The following CDIP1 variants were observed in gnomAD, a reference collection of about 807,000 sequenced individuals.
CDIP1 encodes cell death inducing p53 target 1.
A neutral mutation model predicts 17.7 loss-of-function variants in CDIP1; 9 were observed. That is an observed-to-expected ratio of 0.51 (90% confidence interval 0.31 to 0.89). The LOEUF (loss-of-function observed/expected upper bound fraction) is 0.89. Ranked by LOEUF, CDIP1 falls within the 40% of genes least tolerant of loss-of-function variation. The pLI is 0.05. For missense variants in CDIP1, 263 were observed against 277.9 expected (o/e 0.95, Z 0.38); for synonymous variants, 117 against 109.5 (o/e 1.07, Z -0.43).
Position 4,514,671 on chromosome 16 carries a change from C to T in CDIP1, c.-104-7G>A, listed in dbSNP as rs1319486959. The T allele has an allele frequency of 6.5e-6, 1 of 153,706 alleles. No individual in the cohort carries two copies. The highest frequency in any genetic ancestry group is 2.4e-5 in the African/African-American group (1 of 41,492). 9.5% of individuals were successfully genotyped at this position (153,706 alleles called of 1,614,324 possible). On this transcript the variant is annotated splice_region_variant and splice_polypyrimidine_tract_variant and intron_variant, in intron 1 of 5. Transcript: ENST00000567695. This position sits in a 1 kb window ranked among gnomAD's most constrained non-coding sequence, Gnocchi z 5.2. The stretch of plus-strand genomic sequence containing the variant: ...ACAGGCAGGGCTCCGGGAGCTGTTT[C>T]AGGGGAAGGAAAGGCAGGGCCCTCA...
intron 1 of CDIP1, among the ~76,000 whole-genome samples, chr16:4,520,825 AGT>A (rs1477583017): frequency 6.6e-6 from 1 of 152,192 alleles, no homozygotes; most frequent in Non-Finnish European, 1.5e-5. Context: ...TTTTCAAGAA[AGT>A]GTATGCTAAA....
intron 1 of CDIP1, among the ~76,000 whole-genome samples, chr16:4,517,691 T>A (rs1372543550): frequency 2.6e-5 from 4 of 151,498 alleles, no homozygotes; most frequent in Non-Finnish European, 4.4e-5. Context: ...CAGTGAGCCA[T>A]GATCAGGCCA....
intron 1 of CDIP1, among the ~76,000 whole-genome samples, chr16:4,520,565 A>G (rs2058935692): frequency 1.3e-5 from 2 of 152,130 alleles, no homozygotes; most frequent in South Asian, 4.1e-4. Context: ...GTCACCTGAA[A>G]ATACGGGTTC....
chr16:4,537,035 G>C (rs988452723), intron 1 of CDIP1, among the ~76,000 whole-genome samples: 10 of 152,154 alleles, frequency 6.6e-5, no homozygotes, highest in African/African-American at 2.2e-4. Flanking sequence ...AAGGGTGAGA[G>C]ACGGATTTCT....
At chr16:4,527,090 C>CT (rs760461374) in intron 1 of CDIP1, among the ~76,000 whole-genome samples, 8,508 of 140,358 alleles carry the variant, frequency 0.061, 454 homozygotes, top group African/African-American at 0.13. Flanking sequence ...GACACTGTTA[C>CT]TTTTTTTTTT....
At position 4,513,225 on chromosome 16, in the gene CDIP1, C is replaced by T. The variant is rs146627154; in HGVS notation, c.242-161G>A. Among the ~76,000 whole-genome samples the T allele has an allele frequency of 6.6e-6, 1 of 152,360 alleles. No individual in the cohort carries two copies. The highest frequency in any genetic ancestry group is 2.4e-5 in the African/African-American group (1 of 41,584). On this transcript the variant is annotated intron_variant, in intron 4 of 5. Transcript: ENST00000567695. The surrounding 1 kb of genome is among the most constrained non-coding windows in gnomAD (Gnocchi z 4.1). ...AACGGGCCAGTGGGAGGCCTTACAGCTGGGGCCCTAAGTCAAGTGGGGCCA... is the reference window on the plus strand; with the variant it reads ...AACGGGCCAGTGGGAGGCCTTACAGTTGGGGCCCTAAGTCAAGTGGGGCCA...
At chr16:4,518,335 G>A (rs1047471229) in intron 1 of CDIP1, among the ~76,000 whole-genome samples, 1 of 152,218 alleles carries the variant, frequency 6.6e-6, no homozygotes, top group Admixed American at 6.5e-5. Context: ...TAAGCCCACA[G>A]GGCATAGCCC....
Position 4,513,121 on chromosome 16 carries a change from CAA to C in CDIP1, c.242-59_242-58del, listed in dbSNP as rs946658503. Reference sequence around the variant, plus strand: ...TCACTGGCCTGCCACCTGCACCAGACAAAGAGATTGGCGCAAAGCCCCACGGT... The same window carrying C: ...TCACTGGCCTGCCACCTGCACCAGACAGAGATTGGCGCAAAGCCCCACGGT... On this transcript the variant is annotated intron_variant, in intron 4 of 5. Transcript: ENST00000567695. The surrounding 1 kb of genome is among the most constrained non-coding windows in gnomAD (Gnocchi z 4.1). 1.2e-5 allele frequency: 18 copies of C among 1,486,184 alleles called. No individual in the cohort carries two copies. The highest frequency in any genetic ancestry group is 4.6e-5 in the Admixed American group (2 of 43,438). 92.1% of individuals were successfully genotyped at this position (1,486,184 alleles called of 1,614,324 possible).
In CDIP1 at chr16:4,513,784, G is replaced by A; in HGVS notation, c.153C>T (p.Pro51=). 1 of 1,607,762 alleles carries A rather than the reference G, an allele frequency of 6.2e-7. No individual in the cohort carries two copies. The highest frequency in any genetic ancestry group is 8.5e-7 in the Non-Finnish European group (1 of 1,175,436). ...GMPLPPADIG[P]PPYEPPGHPM... ...GGTGACCCGGCGGCTCATAGGGTGGGGGGCCAATGTCCGCAGGGGGCAGTG... is the reference window on the plus strand; with the variant it reads ...GGTGACCCGGCGGCTCATAGGGTGGAGGGCCAATGTCCGCAGGGGGCAGTG... The change falls in exon 4 of 6, where the codon CCC becomes CCT. Residue 51 remains proline (P), a synonymous_variant. Transcript: ENST00000567695. The surrounding 1 kb of genome is among the most constrained non-coding windows in gnomAD (Gnocchi z 4.1).
chr16:4,513,197 C>T lies in CDIP1; in HGVS notation c.242-133G>A, dbSNP rs1247420782. On this transcript the variant is annotated intron_variant, in intron 4 of 5. Coordinates refer to ENST00000567695, the MANE Select transcript of CDIP1 (RefSeq NM_013399.3). This position sits in a 1 kb window ranked among gnomAD's most constrained non-coding sequence, Gnocchi z 4.1. ...TACGCCTCAGACCTCCTACCGCCCT[C>T]CTAACGGGCCAGTGGGAGGCCTTAC... 3 of 929,820 alleles carry T rather than the reference C, an allele frequency of 3.2e-6. No individual in the cohort carries two copies. Among genetic ancestry groups the T allele is most frequent in the East Asian group, 5.3e-5 (2 of 37,710 alleles). The allele number at this position is 929,820 out of a possible 1,614,324, so 57.6% of individuals were successfully genotyped here.
rs1596493576 is a variant in CDIP1 at position 4,527,315 on chromosome 16, A to T, written c.-105+11387T>A. Among the ~76,000 whole-genome samples the T allele has an allele frequency of 2.0e-5, 3 of 151,226 alleles. No homozygotes were observed. The South Asian group carries it at 6.3e-4, about 32-fold the overall frequency. The stretch of plus-strand genomic sequence containing the variant: ...TGTTAGCCAGGGTGGTCTTGATCTC[A>T]TGATCTCGTGATCCACCTGCCTCGG... On this transcript the variant is annotated intron_variant, in intron 1 of 5. Transcript: ENST00000567695.
chr16:4,531,790 G>C (rs1310750181), intron 1 of CDIP1, among the ~76,000 whole-genome samples: 1 of 152,230 alleles, frequency 6.6e-6, no homozygotes, highest in Non-Finnish European at 1.5e-5. Flanking sequence ...ATACACTTGA[G>C]TGGGATCTCA....
chr16:4,513,165 G>T lies in CDIP1; in HGVS notation c.242-101C>A. Reference sequence around the variant, plus strand: ...CCCCACGGTCCACAGCGCCCAGCGTGCAAGGCTACGCCTCAGACCTCCTAC... The same window carrying T: ...CCCCACGGTCCACAGCGCCCAGCGTTCAAGGCTACGCCTCAGACCTCCTAC... On this transcript the variant is annotated intron_variant, in intron 4 of 5. Transcript: ENST00000567695. This position sits in a 1 kb window ranked among gnomAD's most constrained non-coding sequence, Gnocchi z 4.1. 4 of 1,232,626 alleles carry T rather than the reference G, an allele frequency of 3.2e-6. No individual in the cohort carries two copies. The highest frequency in any genetic ancestry group is 4.4e-6 in the Non-Finnish European group (4 of 910,688). 76.4% of individuals were successfully genotyped at this position (1,232,626 alleles called of 1,614,324 possible). A position where few individuals can be genotyped will look rare whatever the true frequency, so the allele number is the denominator to read the frequency against.
Position 4,512,512 on chromosome 16 carries a change from C to CAGGG in CDIP1, c.*56_*59dup, listed in dbSNP as rs778888604. Reference sequence around the variant, plus strand: ...GGAGCGGGAAAGTGACCACTGAGCACAGGGAGCAAAGCACAGGGGGCCAGA... The same window carrying CAGGG: ...GGAGCGGGAAAGTGACCACTGAGCACAGGGAGGGAGCAAAGCACAGGGGGCCAGA... On this transcript the variant is annotated 3_prime_UTR_variant, in exon 6 of 6. Coordinates refer to ENST00000567695, the MANE Select transcript of CDIP1 (RefSeq NM_013399.3). This position sits in a 1 kb window ranked among gnomAD's most constrained non-coding sequence, Gnocchi z 4.6. The CAGGG allele has an allele frequency of 1.6e-6, 2 of 1,267,710 alleles. No homozygotes were observed. The highest frequency in any genetic ancestry group is 1.5e-5 in the African/African-American group (1 of 68,118). 78.5% of individuals were successfully genotyped at this position (1,267,710 alleles called of 1,614,324 possible).
intron 1 of CDIP1, among the ~76,000 whole-genome samples, chr16:4,536,157 C>T (rs2059104249): frequency 6.6e-6 from 1 of 152,218 alleles, no homozygotes; most frequent in Non-Finnish European, 1.5e-5. Flanking sequence ...CCATATTTCC[C>T]TGTGTCTTCT....
At chr16:4,525,803 C>T (rs74403649) in intron 1 of CDIP1, among the ~76,000 whole-genome samples, 10,253 of 152,228 alleles carry the variant, frequency 0.067, 619 homozygotes, top group African/African-American at 0.16. Flanking sequence ...CCGTTGTCCT[C>T]GGCTGCCAAG....
chr16:4,512,548 G>A lies in CDIP1; in HGVS notation c.*24C>T. The A allele has an allele frequency of 1.3e-6, 2 of 1,539,368 alleles. No homozygotes were observed. Among genetic ancestry groups the A allele is most frequent in the Non-Finnish European group, 1.8e-6 (2 of 1,112,376 alleles). ...GCACAGGGGGCCAGACTGACAGGCG[G>A]GGGAGTCCCGAGTCCCAGCTCCGTT... On this transcript the variant is annotated 3_prime_UTR_variant, in exon 6 of 6. Coordinates refer to ENST00000567695, the MANE Select transcript of CDIP1 (RefSeq NM_013399.3). This position sits in a 1 kb window ranked among gnomAD's most constrained non-coding sequence, Gnocchi z 4.6.
chr16:4,535,213 G>C (rs1319248142), intron 1 of CDIP1, among the ~76,000 whole-genome samples: 1 of 152,082 alleles, frequency 6.6e-6, no homozygotes, highest in Non-Finnish European at 1.5e-5. Flanking sequence ...AATTAGCATT[G>C]ATTGAACAAT....
In CDIP1 at chr16:4,536,168, A is replaced by C. The variant is rs149859392; in HGVS notation, c.-105+2534T>G. On this transcript the variant is annotated intron_variant, in intron 1 of 5. Transcript: ENST00000567695. ...ACTACCATATTTCCCTGTGTCTTCT[A>C]TGAGTAAAAACATGTCCTTACCCTT... is the stretch of plus-strand genomic sequence containing the variant. Among the ~76,000 whole-genome samples, 835 of 152,352 alleles carry C rather than the reference A, an allele frequency of 5.5e-3. 5 individuals are homozygous for C. Among genetic ancestry groups the C allele is most frequent in the Middle Eastern group, 0.014 (4 of 294 alleles).
Sources: gnomAD v4.1 joint callset for allele counts (sites outside exome capture counted in the v4.1 genomes callset) on GRCh38, gnomAD v4.1.1 for gene constraint, Gnocchi (gnomAD v3.1) non-coding constraint, MANE v1.5 for transcripts, NCBI Gene and HGNC (gene_info 2026-07-23, HGNC 2026-07-21) for gene names.